The following CHIC2 variants were observed in gnomAD, a reference collection of about 807,000 sequenced individuals.
CHIC2 encodes the protein cysteine-rich hydrophobic domain-containing protein 2.
Under a neutral mutation model 25.9 loss-of-function variants are expected in CHIC2, and 14 were observed. The observed-to-expected ratio is 0.54, with a 90% CI of 0.36 to 0.85. CHIC2 has a LOEUF of 0.85. Ranked by LOEUF, CHIC2 falls within the 40% of genes least tolerant of loss-of-function variation. The probability of loss-of-function intolerance (pLI) is 0.01; values close to 1 mark genes in which losing one functional copy is unlikely to be tolerated. For synonymous variants in CHIC2, 70 were observed against 72.0 expected (o/e 0.97, Z 0.14); for missense variants, 146 against 202.0 (o/e 0.72, Z 1.68).
At chr4:54,060,371 C>T (rs1408141294) in intron 1 of CHIC2, 1 of 152,108 alleles carries the variant, frequency 6.6e-6, no homozygotes, top group Admixed American at 6.5e-5. Context: ...GATTACACCT[C>T]AGAAGAGAGT....
chr4:54,040,253 A>C (rs1341515324), intron 3 of CHIC2, among the ~76,000 whole-genome samples: 1 of 152,176 alleles, frequency 6.6e-6, no homozygotes, highest in Non-Finnish European at 1.5e-5. Flanking sequence ...GGCAATTTGG[A>C]AGGTCTAAAA....
At chr4:54,058,149 A>G (rs1209349743) in intron 1 of CHIC2, among the ~76,000 whole-genome samples, 3 of 152,330 alleles carry the variant, frequency 2.0e-5, no homozygotes, top group African/African-American at 4.8e-5. Flanking sequence ...CATACTTCAC[A>G]TTTTAGACTG....
chr4:54,083,478 CA>C, the CHIC2 span, among the ~76,000 whole-genome samples: 2 of 152,122 alleles, frequency 1.3e-5, no homozygotes, highest in Non-Finnish European at 2.9e-5. Context: ...TCTGAAACAA[CA>C]AAAAACTGCT....
At chr4:54,084,488 A>C in the CHIC2 span, among the ~76,000 whole-genome samples, 1 of 122,412 alleles carries the variant, frequency 8.2e-6, no homozygotes. Context: ...ATCTCAGAAA[A>C]ATTACAAAAA....
In CHIC2 at chr4:54,041,155, G is replaced by T. The variant is rs185643263; in HGVS notation, c.330+7800C>A. Among the ~76,000 whole-genome samples the T allele has an allele frequency of 1.9e-3, 295 of 151,552 alleles. 1 individual carries two copies. The highest frequency in any genetic ancestry group is 2.1e-3 in the Non-Finnish European group (145 of 67,856). On this transcript the variant is annotated intron_variant, in intron 3 of 5. Transcript: ENST00000263921. ...GGTCTCGATCTCCTGACCTCGTGAG[G>T]GGATGGATTTTGAAGGCAAGACAGA...
At chr4:54,061,799 T>A (rs1314496543) in intron 1 of CHIC2, among the ~76,000 whole-genome samples, 1 of 152,116 alleles carries the variant, frequency 6.6e-6, no homozygotes, top group East Asian at 1.9e-4. Context: ...AAGTTTTCAA[T>A]GCAGAAAGAT....
chr4:54,031,077 T>C (rs544177415), intron 3 of CHIC2, among the ~76,000 whole-genome samples: 1 of 151,710 alleles, frequency 6.6e-6, no homozygotes, highest in South Asian at 2.1e-4. Context: ...AAATAGTTTA[T>C]AGACCTACAA....
At chr4:54,045,106 T>G (rs993725291) in intron 3 of CHIC2, among the ~76,000 whole-genome samples, 1 of 152,130 alleles carries the variant, frequency 6.6e-6, no homozygotes, top group Non-Finnish European at 1.5e-5. Context: ...CAGGAAGAAG[T>G]TGAATGTCTG....
chr4:54,052,781 T>C (rs1489460826), intron 1 of CHIC2, among the ~76,000 whole-genome samples: 1 of 152,220 alleles, frequency 6.6e-6, no homozygotes, highest in Non-Finnish European at 1.5e-5. Flanking sequence ...CTATAAATTG[T>C]TACAACCATT....
chr4:54,030,206 A>G (rs1716180871), intron 3 of CHIC2, among the ~76,000 whole-genome samples: 1 of 152,178 alleles, frequency 6.6e-6, no homozygotes. Context: ...AAACCTAAGA[A>G]ACCTATATTA....
At chr4:54,058,103 G>A (rs891788288) in intron 1 of CHIC2, among the ~76,000 whole-genome samples, 1 of 152,146 alleles carries the variant, frequency 6.6e-6, no homozygotes, top group Non-Finnish European at 1.5e-5. Flanking sequence ...AGATAATTCT[G>A]AGCTATGCTC....
chr4:54,030,643 T>C lies in CHIC2; in HGVS notation c.331-16524A>G, dbSNP rs116798501. Among the ~76,000 whole-genome samples, 1,321 of 147,688 alleles carry C rather than the reference T, an allele frequency of 8.9e-3. 21 individuals are homozygous for C. Among genetic ancestry groups the C allele is most frequent in the African/African-American group, 0.031 (1,243 of 40,556 alleles). On this transcript the variant is annotated intron_variant, in intron 3 of 5. Coordinates refer to ENST00000263921, the MANE Select transcript of CHIC2 (RefSeq NM_012110.4). ...AAATATATATACACACATATATATA[T>C]GTTTATATTTACTAAAATGCTAATT... is the stretch of plus-strand genomic sequence containing the variant.
intron 3 of CHIC2, among the ~76,000 whole-genome samples, chr4:54,030,561 C>T (rs868468401): frequency 6.9e-6 from 1 of 144,552 alleles, no homozygotes. Flanking sequence ...TGTATACACA[C>T]ACACACACAC....
At chr4:54,010,502 A>G (rs930437079) in intron 5 of CHIC2, among the ~76,000 whole-genome samples, 1 of 152,054 alleles carries the variant, frequency 6.6e-6, no homozygotes, top group Non-Finnish European at 1.5e-5. Flanking sequence ...AGAGGCTAGT[A>G]TTTACTTAGA....
At chr4:54,020,390 T>G (rs1305266682) in intron 3 of CHIC2, among the ~76,000 whole-genome samples, 1 of 152,124 alleles carries the variant, frequency 6.6e-6, no homozygotes. Flanking sequence ...CTAATGATAA[T>G]CCCACCACCT....
In CHIC2 at chr4:54,064,248, A is replaced by T; in HGVS notation, c.53T>A (p.Leu18Gln). The T allele has an allele frequency of 1.2e-6, 2 of 1,610,812 alleles. No homozygotes were observed. Among genetic ancestry groups the T allele is most frequent in the Non-Finnish European group, 1.7e-6 (2 of 1,178,636 alleles). Residue 18 changes from leucine (L) to glutamine (Q), a missense_variant, in exon 1 of 6, where the codon CTG becomes CAG. Physicochemically the swap from Leu to Gln is moderately radical, Grantham distance 113. Coordinates refer to ENST00000263921, the MANE Select transcript of CHIC2 (RefSeq NM_012110.4). This position sits in a 1 kb window ranked among gnomAD's most constrained non-coding sequence, Gnocchi z 4.2. Reference protein sequence around the residue: ...YEEEEDEERALEEQLLKYSPD... With the variant: ...YEEEEDEERAQEEQLLKYSPD... ...CGAGTACTTGAGCAGCTGCTCCTCCAGGGCCCGCTCCTCGTCCTCCTCTTC... is the reference window on the plus strand; with the variant it reads ...CGAGTACTTGAGCAGCTGCTCCTCCTGGGCCCGCTCCTCGTCCTCCTCTTC...
chr4:54,064,916 C>T (rs1717476981), upstream of CHIC2, among the ~76,000 whole-genome samples: 1 of 152,246 alleles, frequency 6.6e-6, no homozygotes, highest in Non-Finnish European at 1.5e-5. The surrounding 1 kb of genome is among the most constrained non-coding windows in gnomAD (Gnocchi z 4.2). Context: ...GACAACGCAG[C>T]TTGGAATGTC....
chr4:54,055,133 A>G (rs923758863), intron 1 of CHIC2, among the ~76,000 whole-genome samples: 7 of 152,082 alleles, frequency 4.6e-5, no homozygotes, highest in South Asian at 2.1e-4. Context: ...GGGAAGAAAA[A>G]AATATATATA....
At chr4:54,065,738 A>G (rs1470742290), upstream of CHIC2, among the ~76,000 whole-genome samples, 1 of 152,330 alleles carries the variant, frequency 6.6e-6, no homozygotes, top group East Asian at 1.9e-4. Flanking sequence ...AGCGCTGGTC[A>G]GGCTCTTCAA....
Sources: gnomAD v4.1 joint callset for allele counts (sites outside exome capture counted in the v4.1 genomes callset) on GRCh38, gnomAD v4.1.1 for gene constraint, Gnocchi (gnomAD v3.1) non-coding constraint, MANE v1.5 for transcripts, NCBI Gene and HGNC (gene_info 2026-07-23, HGNC 2026-07-21) for gene names.